The following RNF43 variants were observed in gnomAD, a reference collection of about 807,000 sequenced individuals.
RNF43 encodes E3 ubiquitin-protein ligase RNF43.
RNF43 carries 37 observed loss-of-function variants against 78.4 expected under a neutral mutation model. That is an observed-to-expected ratio of 0.47 (90% CI 0.36 to 0.62). RNF43 has a LOEUF of 0.62. Among genes scored for constraint, RNF43 ranks in the 20% least tolerant of loss-of-function variants. The pLI is 0.00. For missense variants in RNF43, 774 were observed against 1,007.9 expected, an observed-to-expected ratio of 0.77 and a Z score of 3.14; for synonymous variants, 347 against 395.0, an observed-to-expected ratio of 0.88 and a Z score of 1.44.
At chr17:58,359,440 C>CA (rs1162284909) in intron 8 of RNF43, among the ~76,000 whole-genome samples, 111 of 133,450 alleles carry the variant, frequency 8.3e-4, no homozygotes, top group Middle Eastern at 3.7e-3. Flanking sequence ...ACTAAAAGTC[C>CA]AAAAAAAAAA....
At chr17:58,401,839 A>G (rs1485575274) in intron 2 of RNF43, among the ~76,000 whole-genome samples, 1 of 138,182 alleles carries the variant, frequency 7.2e-6, no homozygotes, top group Non-Finnish European at 1.6e-5. Flanking sequence ...AAAAAAAAAA[A>G]CCTATAATCT....
At position 58,354,992 on chromosome 17, in the gene RNF43, T is replaced by G; in HGVS notation, c.2309-6A>C. ...CTCGAGTTCCTCCTCTGAGCCTGTA[T>G]TTAGAGAGCGGGGAGGAAAGAGGTC... On this transcript the variant is annotated splice_polypyrimidine_tract_variant and splice_region_variant and intron_variant, in intron 9 of 9. Transcript: ENST00000407977. 6.2e-7 allele frequency: 1 copy of G among 1,613,676 alleles called. No homozygotes were observed. The highest frequency in any genetic ancestry group is 8.5e-7 in the Non-Finnish European group (1 of 1,179,748).
rs1406316370 is a variant in RNF43, at chr17:58,417,070, T to C, written c.-439A>G. ...CACGGGGGTGAAACAAATTCAATTA[T>C]GCTTTTACAGATCCTGCTCAAAAAA... On this transcript the variant is annotated 5_prime_UTR_variant, in exon 1 of 10. Coordinates refer to ENST00000407977, the MANE Select transcript of RNF43 (RefSeq NM_017763.6). The C allele has an allele frequency of 2.0e-5, 3 of 152,230 alleles. No individual in the cohort carries two copies. The highest frequency in any genetic ancestry group is 4.4e-5 in the Non-Finnish European group (3 of 68,048). The allele number at this position is 152,230 out of a possible 1,614,324, so 9.4% of individuals were successfully genotyped here.
rs1161620660 is a variant in RNF43, at chr17:58,360,377, A to G, written c.850-126T>C. On this transcript the variant is annotated intron_variant, in intron 7 of 9. Coordinates refer to ENST00000407977, the MANE Select transcript of RNF43 (RefSeq NM_017763.6). The surrounding 1 kb of genome is among the most constrained non-coding windows in gnomAD (Gnocchi z 4.3). The stretch of plus-strand genomic sequence containing the variant: ...ATCTACTTGTAAAAGACCTCACAGT[A>G]GAATAGGAATGGTATGAGCTTTGGC... 1.5e-6 allele frequency: 1 copy of G among 681,994 alleles called. No homozygotes were observed. The highest frequency in any genetic ancestry group is 2.6e-6 in the Non-Finnish European group (1 of 389,016). 42.2% of individuals were successfully genotyped at this position (681,994 alleles called of 1,614,324 possible). A position where few individuals can be genotyped will look rare whatever the true frequency, so the allele number is the denominator to read the frequency against.
rs1267788054 is a variant in RNF43 at position 58,360,538 on chromosome 17, A to G, written c.849+245T>C. 6.6e-6 allele frequency among the ~76,000 whole-genome samples: 1 copy of G among 152,224 alleles called. No individual in the cohort carries two copies. Among genetic ancestry groups the G allele is most frequent in the Non-Finnish European group, 1.5e-5 (1 of 68,036 alleles). Reference sequence around the variant, plus strand: ...CATTGCCATGGGTCTAAAATGAGATAATGCATCCAAAGCACCACTGCAGCC... The same window carrying G: ...CATTGCCATGGGTCTAAAATGAGATGATGCATCCAAAGCACCACTGCAGCC... On this transcript the variant is annotated intron_variant, in intron 7 of 9. Transcript: ENST00000407977. The surrounding 1 kb of genome is among the most constrained non-coding windows in gnomAD (Gnocchi z 4.3).
chr17:58,370,843 A>G (rs2143512213), intron 3 of RNF43, 68 bp downstream of exon 3: 3 of 1,443,700 alleles, frequency 2.1e-6, no homozygotes, highest in Non-Finnish European at 2.8e-6. Context: ...ACAAGAGAGC[A>G]CAGGGTCTTC....
At position 58,370,348 on chromosome 17, in the gene RNF43, G is replaced by A. The variant is rs192718611; in HGVS notation, c.375+563C>T. Among the ~76,000 whole-genome samples the A allele has an allele frequency of 7.5e-3, 1,148 of 152,098 alleles. 15 individuals are homozygous for A. The highest frequency in any genetic ancestry group is 0.025 in the African/African-American group (1,057 of 41,478). ...CTCCCAAAGTGCTGGGATTATAGGC[G>A]TGCGCCACCACGCCTAGTGAAAATC... On this transcript the variant is annotated intron_variant, in intron 3 of 9. Coordinates refer to ENST00000407977, the MANE Select transcript of RNF43 (RefSeq NM_017763.6).
intron 2 of RNF43, among the ~76,000 whole-genome samples, chr17:58,405,500 T>C (rs1973886254): frequency 6.6e-6 from 1 of 152,050 alleles, no homozygotes. Context: ...GTCATTTGAA[T>C]GACTCTTGAA....
Position 58,354,164 on chromosome 17 carries a change from A to G in RNF43, c.*779T>C, listed in dbSNP as rs1196710620. On this transcript the variant is annotated 3_prime_UTR_variant, in exon 10 of 10. Coordinates refer to ENST00000407977, the MANE Select transcript of RNF43 (RefSeq NM_017763.6). Reference sequence around the variant, plus strand: ...CTGTAATTCTGCCTTTTCTACCTTCATTCCATCCTTCCTCTGCCCAGATAA... The same window carrying G: ...CTGTAATTCTGCCTTTTCTACCTTCGTTCCATCCTTCCTCTGCCCAGATAA... 6.9e-5 allele frequency: 14 copies of G among 203,164 alleles called. No homozygotes were observed. Among genetic ancestry groups the G allele is most frequent in the Non-Finnish European group, 1.0e-4 (10 of 98,884 alleles). The allele number at this position is 203,164 out of a possible 1,614,324, so 12.6% of individuals were successfully genotyped here. A position where few individuals can be genotyped will look rare whatever the true frequency, so the allele number is the denominator to read the frequency against.
chr17:58,395,287 A>G (rs1973654108), intron 2 of RNF43, among the ~76,000 whole-genome samples: 1 of 152,240 alleles, frequency 6.6e-6, no homozygotes, highest in African/African-American at 2.4e-5. Context: ...TAATGGAAAG[A>G]TGATTGTCAA....
At chr17:58,407,204 G>T (rs570878718) in intron 2 of RNF43, among the ~76,000 whole-genome samples, 1 of 149,940 alleles carries the variant, frequency 6.7e-6, no homozygotes, top group South Asian at 2.1e-4. Context: ...TCAGCCTCCT[G>T]AGTAGCTGGG....
At chr17:58,392,945 A>G (rs1973590573) in intron 2 of RNF43, among the ~76,000 whole-genome samples, 1 of 152,226 alleles carries the variant, frequency 6.6e-6, no homozygotes, top group Admixed American at 6.5e-5. Context: ...ATTTGACATT[A>G]CAGGTGACCC....
intron 2 of RNF43, among the ~76,000 whole-genome samples, chr17:58,379,884 G>T (rs1227534264): frequency 1.3e-5 from 2 of 152,214 alleles, no homozygotes; most frequent in Admixed American, 6.5e-5. Flanking sequence ...AACAGGGTTT[G>T]ACCTGACTCA....
Position 58,358,417 on chromosome 17 carries a change from T to A in RNF43, c.1359A>T (p.Glu453Asp), listed in dbSNP as rs2143414827. 2 of 1,614,084 alleles carry A rather than the reference T, an allele frequency of 1.2e-6. No homozygotes were observed. Among genetic ancestry groups the A allele is most frequent in the Non-Finnish European group, 1.7e-6 (2 of 1,180,006 alleles). Residue 453 changes from glutamate to aspartate, a missense_variant, in exon 9 of 10, where the codon GAA becomes GAT. Coordinates refer to ENST00000407977, the MANE Select transcript of RNF43 (RefSeq NM_017763.6). The surrounding 1 kb of genome is among the most constrained non-coding windows in gnomAD (Gnocchi z 6.2). ...GCCCATCTGCCAGGTACCCACTGCGTTCTGTGCAATAGCTTTCTCCAGATC... is the reference window on the plus strand; with the variant it reads ...GCCCATCTGCCAGGTACCCACTGCGATCTGTGCAATAGCTTTCTCCAGATC... The part of the protein sequence containing the change: ...SSGSGESYCT[E>D]RSGYLADGPA...
intron 2 of RNF43, among the ~76,000 whole-genome samples, chr17:58,383,774 T>C (rs962810092): frequency 6.6e-6 from 1 of 152,186 alleles, no homozygotes; most frequent in Non-Finnish European, 1.5e-5. Flanking sequence ...TGTGCCACCA[T>C]GCCTGGCTAA....
chr17:58,378,215 G>T (rs1287465703), intron 2 of RNF43, among the ~76,000 whole-genome samples: 3 of 152,180 alleles, frequency 2.0e-5, no homozygotes, highest in Non-Finnish European at 4.4e-5. Context: ...AAGTTGGGAG[G>T]CTGGGGAATT....
chr17:58,362,086 A>AAAACAAAC (rs763077009), intron 6 of RNF43, among the ~76,000 whole-genome samples: 2 of 151,234 alleles, frequency 1.3e-5, no homozygotes, highest in African/African-American at 4.9e-5. Flanking sequence ...ACTCTGTCTC[A>AAAACAAAC]AAACAAACAA....
At chr17:58,402,745 T>C (rs1258386751) in intron 2 of RNF43, 1 of 152,216 alleles carries the variant, frequency 6.6e-6, no homozygotes, top group Non-Finnish European at 1.5e-5. Context: ...AACATGGTGG[T>C]TGTGTCTCTT....
intron 3 of RNF43, 83 bp downstream of exon 3, chr17:58,370,828 T>C: frequency 2.9e-6 from 4 of 1,378,322 alleles, no homozygotes; most frequent in Non-Finnish European, 3.8e-6. Context: ...TTAGGAAACA[T>C]GGGGACAAGA....
Sources: allele counts gnomAD v4.1 joint callset (sites outside exome capture counted in the v4.1 genomes callset), GRCh38; gene constraint gnomAD v4.1.1; non-coding constraint Gnocchi (gnomAD v3.1); transcripts MANE v1.5; gene names NCBI Gene and HGNC (gene_info 2026-07-23, HGNC 2026-07-21).